Variants in MAP3K4 observed in about 807,000 individuals in gnomAD.
MAP3K4 encodes the protein mitogen-activated protein kinase kinase kinase 4.
Under a neutral mutation model 185.6 loss-of-function variants are expected in MAP3K4, and 67 were observed. The observed-to-expected ratio is 0.36, with a 90% CI of 0.30 to 0.44. The LOEUF (loss-of-function observed/expected upper bound fraction) is 0.44. Ranked by LOEUF, MAP3K4 falls within the 20% of genes least tolerant of loss-of-function variation. The pLI, the probability that MAP3K4 is intolerant of heterozygous loss-of-function variation, is 1.00. For missense variants in MAP3K4, 1,551 were observed against 1,995.1 expected, an observed-to-expected ratio of 0.78 and a Z score of 4.24; for synonymous variants, 702 against 710.4, an observed-to-expected ratio of 0.99 and a Z score of 0.19.
At chr6:161,009,970 T>C (rs926221678) in intron 1 of MAP3K4, among the ~76,000 whole-genome samples, 6 of 152,000 alleles carry the variant, frequency 3.9e-5, no homozygotes, top group African/African-American at 1.5e-4. Context: ...TGGCACATGT[T>C]TACCTGTGTA....
intron 2 of MAP3K4, among the ~76,000 whole-genome samples, chr6:161,035,721 T>C (rs1316584575): frequency 1.3e-5 from 2 of 152,250 alleles, no homozygotes; most frequent in Non-Finnish European, 2.9e-5. Flanking sequence ...CTATAGAAGT[T>C]TCTTATCTAT....
chr6:161,087,962 T>C lies in MAP3K4; in HGVS notation c.2823+8T>C. 3 of 1,603,962 alleles carry C rather than the reference T, an allele frequency of 1.9e-6. No individual in the cohort carries two copies. The highest frequency in any genetic ancestry group is 2.5e-6 in the Non-Finnish European group (3 of 1,177,216). ...ACCCTGAGAAGCATGCAGGTACAGC[T>C]CATCTCCATCTTTGCAGCAGTGTTA... On this transcript the variant is annotated splice_region_variant and intron_variant, in intron 10 of 26. Coordinates refer to ENST00000392142, the MANE Select transcript of MAP3K4 (RefSeq NM_005922.4). The surrounding 1 kb of genome is among the most constrained non-coding windows in gnomAD (Gnocchi z 4.9).
In MAP3K4 at chr6:161,008,344, A is replaced by G. The variant is rs1781691213; in HGVS notation, c.152+16261A>G. On this transcript the variant is annotated intron_variant, in intron 1 of 26. Transcript: ENST00000392142. This position sits in a 1 kb window ranked among gnomAD's most constrained non-coding sequence, Gnocchi z 4.1. ...TTAGCTTAATCTTTATGTCTAGTCA[A>G]GATGTTTTATTAGAGTAAAATCCTG... Among the ~76,000 whole-genome samples, 1 of 152,184 alleles carries G rather than the reference A, an allele frequency of 6.6e-6. No individual in the cohort carries two copies. Among genetic ancestry groups the G allele is most frequent in the South Asian group, 2.1e-4 (1 of 4,836 alleles).
In MAP3K4 at chr6:161,054,456, A is replaced by T. The variant is rs1188492904; in HGVS notation, c.1707+4477A>T. ...AGGTGTGAGCCACCGCGCCCGGCCCAAACTAATTTTTCTCTAAAACTTTAT... is the reference window on the plus strand; with the variant it reads ...AGGTGTGAGCCACCGCGCCCGGCCCTAACTAATTTTTCTCTAAAACTTTAT... On this transcript the variant is annotated intron_variant, in intron 3 of 26. Coordinates refer to ENST00000392142, the MANE Select transcript of MAP3K4 (RefSeq NM_005922.4). This position sits in a 1 kb window ranked among gnomAD's most constrained non-coding sequence, Gnocchi z 4.2. 6.6e-6 allele frequency among the ~76,000 whole-genome samples: 1 copy of T among 152,190 alleles called. No individual in the cohort carries two copies. Among genetic ancestry groups the T allele is most frequent in the Non-Finnish European group, 1.5e-5 (1 of 68,042 alleles).
chr6:161,094,182 C>G (rs977953982), intron 15 of MAP3K4, among the ~76,000 whole-genome samples: 12 of 152,198 alleles, frequency 7.9e-5, no homozygotes, highest in African/African-American at 2.2e-4. Flanking sequence ...AGGGCGTTGT[C>G]TGCCAAGCAA....
In MAP3K4 at chr6:161,084,691, G is replaced by A. The variant is rs1404242877; in HGVS notation, c.2372+74G>A. 1 of 921,122 alleles carries A rather than the reference G, an allele frequency of 1.1e-6. No individual in the cohort carries two copies. Among genetic ancestry groups the A allele is most frequent in the Non-Finnish European group, 1.8e-6 (1 of 566,056 alleles). The allele number at this position is 921,122 out of a possible 1,614,324, so 57.1% of individuals were successfully genotyped here. A position where few individuals can be genotyped will look rare whatever the true frequency, so the allele number is the denominator to read the frequency against. ...CTTCCTCATGGTGAGATCCTAGAAG[G>A]AGCCTTGTTCAAACCAAATTGTGTT... On this transcript the variant is annotated intron_variant, in intron 7 of 26. Coordinates refer to ENST00000392142, the MANE Select transcript of MAP3K4 (RefSeq NM_005922.4). This position sits in a 1 kb window ranked among gnomAD's most constrained non-coding sequence, Gnocchi z 4.6.
intron 3 of MAP3K4, among the ~76,000 whole-genome samples, chr6:161,062,251 G>A (rs1293188191): frequency 2.0e-5 from 3 of 151,998 alleles, no homozygotes; most frequent in African/African-American, 7.3e-5. Context: ...TTTACTGCCA[G>A]TGAAATGCCA....
rs1324756078 is a variant in MAP3K4, at chr6:161,043,873, A to G, written c.344-4743A>G. Among the ~76,000 whole-genome samples, 1 of 152,222 alleles carries G rather than the reference A, an allele frequency of 6.6e-6. No individual in the cohort carries two copies. The highest frequency in any genetic ancestry group is 1.5e-5 in the Non-Finnish European group (1 of 68,034). ...GTTTACATCTCATTTGAGAGCTCAAATAAGGCTGGTTTCTAAAATTTGGAC... is the reference window on the plus strand; with the variant it reads ...GTTTACATCTCATTTGAGAGCTCAAGTAAGGCTGGTTTCTAAAATTTGGAC... On this transcript the variant is annotated intron_variant, in intron 2 of 26. Coordinates refer to ENST00000392142, the MANE Select transcript of MAP3K4 (RefSeq NM_005922.4). This position sits in a 1 kb window ranked among gnomAD's most constrained non-coding sequence, Gnocchi z 4.3.
intron 11 of MAP3K4, among the ~76,000 whole-genome samples, chr6:161,089,835 C>T (rs1562532355): frequency 1.3e-5 from 2 of 152,282 alleles, no homozygotes; most frequent in African/African-American, 4.8e-5. Context: ...TCCATATCAG[C>T]AGTGTGTAAT....
At position 161,008,404 on chromosome 6, in the gene MAP3K4, G is replaced by A. The variant is rs1471469637; in HGVS notation, c.152+16321G>A. Reference sequence around the variant, plus strand: ...TTACTATACCAAAGTGTGTGTGTGTGTAAATATATGTAAAATTATAATCCA... The same window carrying A: ...TTACTATACCAAAGTGTGTGTGTGTATAAATATATGTAAAATTATAATCCA... On this transcript the variant is annotated intron_variant, in intron 1 of 26. Coordinates refer to ENST00000392142, the MANE Select transcript of MAP3K4 (RefSeq NM_005922.4). The surrounding 1 kb of genome is among the most constrained non-coding windows in gnomAD (Gnocchi z 4.1). 6.6e-6 allele frequency among the ~76,000 whole-genome samples: 1 copy of A among 152,144 alleles called. No homozygotes were observed. Among genetic ancestry groups the A allele is most frequent in the Non-Finnish European group, 1.5e-5 (1 of 68,016 alleles).
At chr6:161,019,876 C>A (rs1163182890) in intron 1 of MAP3K4, among the ~76,000 whole-genome samples, 4 of 152,048 alleles carry the variant, frequency 2.6e-5, no homozygotes, top group Admixed American at 2.6e-4. Context: ...GAATAATTAA[C>A]CATTTTTGTA....
chr6:160,999,868 T>G (rs1781186349), intron 1 of MAP3K4, among the ~76,000 whole-genome samples: 1 of 152,182 alleles, frequency 6.6e-6, no homozygotes, highest in Non-Finnish European at 1.5e-5. Flanking sequence ...TAGAAAAAAA[T>G]GCAAATAGAA....
At position 161,080,226 on chromosome 6, in the gene MAP3K4, A is replaced by G. The variant is rs1785383209; in HGVS notation, c.2098-655A>G. Among the ~76,000 whole-genome samples the G allele has an allele frequency of 6.6e-6, 1 of 152,222 alleles. No homozygotes were observed. Among genetic ancestry groups the G allele is most frequent in the South Asian group, 2.1e-4 (1 of 4,826 alleles). ...GACAGGGTTGTTCTAGAAGGTGGCC[A>G]TTGCAAACCTGTTGAGAAAAACTGC... On this transcript the variant is annotated intron_variant, in intron 5 of 26. Transcript: ENST00000392142. The surrounding 1 kb of genome is among the most constrained non-coding windows in gnomAD (Gnocchi z 4.8).
chr6:161,092,177 C>A, intron 13 of MAP3K4, 34 bp downstream of exon 13: 2 of 1,611,554 alleles, frequency 1.2e-6, no homozygotes, highest in South Asian at 2.2e-5. Context: ...TGAAATGTGT[C>A]ATGTGGGCTT....
rs1475693360 is a variant in MAP3K4 at position 161,106,457 on chromosome 6, T to C, written c.3857-57T>C. On this transcript the variant is annotated intron_variant, in intron 19 of 26. Coordinates refer to ENST00000392142, the MANE Select transcript of MAP3K4 (RefSeq NM_005922.4). This position sits in a 1 kb window ranked among gnomAD's most constrained non-coding sequence, Gnocchi z 4.9. ...GCTCTATTTTTATTGGTTTGTCTTT[T>C]GGAAACTGACTTGATAACAGTGATT... 3.7e-6 allele frequency: 5 copies of C among 1,340,202 alleles called. No homozygotes were observed. The Admixed American group carries it at 8.8e-5, about 24-fold the overall frequency. The allele number at this position is 1,340,202 out of a possible 1,614,324, so 83.0% of individuals were successfully genotyped here. A position where few individuals can be genotyped will look rare whatever the true frequency, so the allele number is the denominator to read the frequency against.
At chr6:161,085,428 C>G (rs1785662154) in intron 7 of MAP3K4, among the ~76,000 whole-genome samples, 1 of 152,146 alleles carries the variant, frequency 6.6e-6, no homozygotes, top group African/African-American at 2.4e-5. Flanking sequence ...TTTGAAATTG[C>G]TACTCTTTGT....
At chr6:160,994,314 T>C (rs671335) in intron 1 of MAP3K4, among the ~76,000 whole-genome samples, 130,916 of 152,036 alleles carry the variant, frequency 0.86, 56,629 homozygotes, top group Admixed American at 0.9. Flanking sequence ...CCCCGAGTCT[T>C]CAAAGTCCAT....
intron 3 of MAP3K4, among the ~76,000 whole-genome samples, chr6:161,069,773 A>AG (rs1583192181): frequency 6.6e-6 from 1 of 152,158 alleles, no homozygotes; most frequent in East Asian, 1.9e-4. Context: ...GGCAGGGAGT[A>AG]GGGGTTCTGG....
rs377654890 is a variant in MAP3K4, at chr6:161,086,551, C to T, written c.2473-33C>T. 40 of 1,603,466 alleles carry T rather than the reference C, an allele frequency of 2.5e-5. No homozygotes were observed. The highest frequency in any genetic ancestry group is 1.7e-4 in the Middle Eastern group (1 of 6,020). The stretch of plus-strand genomic sequence containing the variant: ...TTTATCTTATTTTTTTAATGCTAAC[C>T]GTAAAGAAGTTTCTTTGTAACTGTG... On this transcript the variant is annotated intron_variant, in intron 8 of 26. Transcript: ENST00000392142. This position sits in a 1 kb window ranked among gnomAD's most constrained non-coding sequence, Gnocchi z 4.8.
Sources: gnomAD v4.1 joint callset for allele counts (sites outside exome capture counted in the v4.1 genomes callset) on GRCh38, gnomAD v4.1.1 for gene constraint, Gnocchi (gnomAD v3.1) non-coding constraint, MANE v1.5 for transcripts, NCBI Gene and HGNC (gene_info 2026-07-23, HGNC 2026-07-21) for gene names.